Variants in VOPP1 observed in about 807,000 individuals in gnomAD.
VOPP1 encodes VOPP1 WW domain binding protein.
In VOPP1, 8 loss-of-function variants were observed where a neutral mutation model predicts 23.5. The ratio of observed to expected loss-of-function variants is 0.34; its 90% CI spans 0.20 to 0.61. The LOEUF is 0.61. VOPP1 is among the 20% of genes least tolerant of loss of function. VOPP1 has a pLI of 0.78. For missense variants in VOPP1, 174 were observed against 238.1 expected, an observed-to-expected ratio of 0.73 and a Z score of 1.77; for synonymous variants, 83 against 97.3, an observed-to-expected ratio of 0.85 and a Z score of 0.86.
In VOPP1 at chr7:55,445,686, G is replaced by A. The variant is rs888945855; in HGVS notation, n.418-9512C>T. Among the ~76,000 whole-genome samples, 3 of 152,058 alleles carry A rather than the reference G, an allele frequency of 2.0e-5. No individual in the cohort carries two copies. The South Asian group carries it at 6.2e-4, about 31-fold the overall frequency. On this transcript the variant is annotated intron_variant and non_coding_transcript_variant, in intron 4 of 4. Transcript: ENST00000462326. ...TGGGTTTGTCTGCTTCTTTCCCTCT[G>A]GTGTCATTTAACTTGTTCTGCAATC...
chr7:55,561,581 C>A (rs550155675), intron 1 of VOPP1, among the ~76,000 whole-genome samples: 13 of 151,418 alleles, frequency 8.6e-5, no homozygotes, highest in African/African-American at 3.2e-4. Context: ...TGCTGGTGGG[C>A]ACCTTATGTC....
At chr7:55,464,759 T>C (rs1481717638) in intron 4 of VOPP1, among the ~76,000 whole-genome samples, 1 of 152,160 alleles carries the variant, frequency 6.6e-6, no homozygotes, top group Admixed American at 6.5e-5. Context: ...CGGGGAAGGA[T>C]GTAGTCTGGT....
intron 4 of VOPP1, among the ~76,000 whole-genome samples, chr7:55,461,616 CCAT>C (rs1791502746): frequency 6.6e-6 from 1 of 152,140 alleles, no homozygotes; most frequent in Admixed American, 6.5e-5. Flanking sequence ...CACGGTTTCA[CCAT>C]GTTGGCCAGG....
chr7:55,487,113 G>T (rs1793202510), intron 4 of VOPP1, among the ~76,000 whole-genome samples: 2 of 152,330 alleles, frequency 1.3e-5, no homozygotes, highest in South Asian at 2.1e-4. Flanking sequence ...AGCCCTGTTT[G>T]TGCTTGGGCT....
intron 1 of VOPP1, chr7:55,538,554 A>C: frequency 6.8e-7 from 1 of 1,465,414 alleles, no homozygotes; most frequent in Non-Finnish European, 9.2e-7. Context: ...CCAACTGAGG[A>C]TCACTGTAAA....
intron 4 of VOPP1, among the ~76,000 whole-genome samples, chr7:55,477,338 C>T (rs1792335641): frequency 6.6e-6 from 1 of 152,218 alleles, no homozygotes; most frequent in African/African-American, 2.4e-5. Context: ...TCCATAAATA[C>T]ACGGGAGGAG....
intron 4 of VOPP1, among the ~76,000 whole-genome samples, chr7:55,451,160 C>G (rs898989985): frequency 6.6e-6 from 1 of 152,116 alleles, no homozygotes; most frequent in Non-Finnish European, 1.5e-5. Flanking sequence ...ACCCACCACA[C>G]CATTTATAGG....
intron 4 of VOPP1, among the ~76,000 whole-genome samples, chr7:55,446,878 A>T (rs1262852501): frequency 6.6e-6 from 1 of 152,196 alleles, no homozygotes; most frequent in African/African-American, 2.4e-5. Context: ...CAGATGATAA[A>T]CCTAGAATTG....
chr7:55,473,186 G>T, intron 4 of VOPP1, 141 bp from the exon 5 acceptor site: 1 of 1,320,026 alleles, frequency 7.6e-7, no homozygotes, highest in South Asian at 1.7e-5. Flanking sequence ...GCCCGGTGAG[G>T]GGGCACCTGG....
At chr7:55,547,203 C>T (rs1797403397) in intron 1 of VOPP1, among the ~76,000 whole-genome samples, 1 of 152,160 alleles carries the variant, frequency 6.6e-6, no homozygotes, top group African/African-American at 2.4e-5. Context: ...CAGATCCAAC[C>T]CTGTCCCACC....
intron 1 of VOPP1, among the ~76,000 whole-genome samples, chr7:55,534,416 C>T (rs758106523): frequency 3.9e-5 from 6 of 152,224 alleles, no homozygotes; most frequent in Non-Finnish European, 7.3e-5. Flanking sequence ...AGGGCAGCTG[C>T]GTGTAGGGAG....
Position 55,557,230 on chromosome 7 carries a change from G to A in VOPP1, c.54+15041C>T, listed in dbSNP as rs150478399. On this transcript the variant is annotated intron_variant, in intron 1 of 4. Coordinates refer to ENST00000285279, the MANE Select transcript of VOPP1 (RefSeq NM_030796.5). ...TCCGACTGCAGAAAATCTTGAGAAA[G>A]CCCCAGTCTCCTGAGCCACAGTCCA... 6.4e-4 allele frequency among the ~76,000 whole-genome samples: 97 copies of A among 152,248 alleles called. 1 individual carries two copies. In the East Asian group the frequency reaches 0.016, roughly 26 times the overall value.
chr7:55,559,970 T>C (rs1048268201), intron 1 of VOPP1, among the ~76,000 whole-genome samples: 1 of 152,198 alleles, frequency 6.6e-6, no homozygotes, highest in Non-Finnish European at 1.5e-5. Context: ...CTGGCCAACA[T>C]GGTGAAACCC....
chr7:55,438,992 G>T (rs1195768397), intron 4 of VOPP1, among the ~76,000 whole-genome samples: 4 of 152,188 alleles, frequency 2.6e-5, no homozygotes, highest in Admixed American at 2.6e-4. Flanking sequence ...ACAGGCTGAG[G>T]CATGCAGGTT....
At chr7:55,552,938 A>G (rs762431191) in intron 1 of VOPP1, 4 of 796,818 alleles carry the variant, frequency 5.0e-6, no homozygotes, top group Admixed American at 3.7e-5. Context: ...ATTGCTGACA[A>G]ATGCTAAGGC....
At chr7:55,531,021 C>T (rs1450380338) in intron 1 of VOPP1, 1 of 152,224 alleles carries the variant, frequency 6.6e-6, no homozygotes, top group Non-Finnish European at 1.5e-5. Flanking sequence ...CATCCTTTCA[C>T]TCTCAGAAAT....
chr7:55,550,676 G>T (rs1310681161), intron 1 of VOPP1, among the ~76,000 whole-genome samples: 1 of 152,158 alleles, frequency 6.6e-6, no homozygotes, highest in Non-Finnish European at 1.5e-5. Flanking sequence ...TATCGCGAAG[G>T]ATTATACAGC....
chr7:55,450,986 G>A (rs1457456975), intron 4 of VOPP1, among the ~76,000 whole-genome samples: 2 of 152,216 alleles, frequency 1.3e-5, no homozygotes, highest in Non-Finnish European at 2.9e-5. Flanking sequence ...TTATACTCTT[G>A]AGACCTGCAC....
At chr7:55,457,357 C>A (rs1395046036) in intron 4 of VOPP1, among the ~76,000 whole-genome samples, 7 of 152,130 alleles carry the variant, frequency 4.6e-5, no homozygotes, top group Non-Finnish European at 1.0e-4. Flanking sequence ...TTTCTTTCTT[C>A]ATTCATTCAT....
Sources: gnomAD v4.1 joint callset for allele counts (sites outside exome capture counted in the v4.1 genomes callset) on GRCh38, gnomAD v4.1.1 for gene constraint, MANE v1.5 for transcripts, NCBI Gene and HGNC (gene_info 2026-07-23, HGNC 2026-07-21) for gene names.